The following PCDH7 variants were observed in gnomAD, a reference collection of about 807,000 sequenced individuals.
The protein encoded by PCDH7 is protocadherin 7.
Under a neutral mutation model 58.9 loss-of-function variants are expected in PCDH7, and 17 were observed. The observed-to-expected ratio is 0.29, with a 90% CI of 0.20 to 0.43. PCDH7 has a LOEUF of 0.43. PCDH7 is among the 20% of genes least tolerant of loss of function. PCDH7 has a pLI of 1.00. For missense variants in PCDH7, 1,274 were observed against 1,441.0 expected (o/e 0.88, Z 1.88); for synonymous variants, 664 against 616.4 (o/e 1.08, Z -1.14).
In PCDH7 at chr4:30,845,567, G is replaced by A. The variant is rs1418147070; in HGVS notation, c.71-74586G>A. Among the ~76,000 whole-genome samples, 9 of 152,082 alleles carry A rather than the reference G, an allele frequency of 5.9e-5. No individual in the cohort carries two copies. The East Asian group carries it at 9.7e-4, about 16-fold the overall frequency. On this transcript the variant is annotated intron_variant, in intron 1 of 3. Transcript: ENST00000509759. ...TGTAAATTTGGTGTAAAGTTACAACGCAATAGGAAATAGGATGGTTTACTG... is the reference window on the plus strand; with the variant it reads ...TGTAAATTTGGTGTAAAGTTACAACACAATAGGAAATAGGATGGTTTACTG...
At chr4:30,816,394 A>G (rs529855875) in intron 1 of PCDH7, among the ~76,000 whole-genome samples, 1 of 152,314 alleles carries the variant, frequency 6.6e-6, no homozygotes, top group East Asian at 1.9e-4. Context: ...TTTAAATTCA[A>G]AAGGTGCAAT....
intron 1 of PCDH7, among the ~76,000 whole-genome samples, chr4:30,758,820 T>G (rs2109266349): frequency 6.6e-6 from 1 of 152,312 alleles, no homozygotes; most frequent in East Asian, 1.9e-4. Context: ...AATAAATTAT[T>G]GATGCAGTTA....
intron 1 of PCDH7, among the ~76,000 whole-genome samples, chr4:30,743,322 T>C (rs1176086581): frequency 6.6e-6 from 1 of 152,142 alleles, no homozygotes; most frequent in Non-Finnish European, 1.5e-5. Flanking sequence ...AGCTGAAATG[T>C]CTTATTGAAG....
intron 3 of PCDH7, among the ~76,000 whole-genome samples, chr4:31,048,375 T>C (rs556805988): frequency 2.0e-5 from 3 of 152,206 alleles, no homozygotes; most frequent in African/African-American, 7.2e-5. Flanking sequence ...TTAGTCATTC[T>C]GTTTTCAATA....
At chr4:31,106,355 G>A (rs546430838) in intron 3 of PCDH7, among the ~76,000 whole-genome samples, 146 of 152,304 alleles carry the variant, frequency 9.6e-4, no homozygotes, top group African/African-American at 3.5e-3. Flanking sequence ...ATTTTTAGAT[G>A]TGCTGCTAGG....
At chr4:30,744,455 G>A (rs1474278932) in intron 1 of PCDH7, among the ~76,000 whole-genome samples, 1 of 152,124 alleles carries the variant, frequency 6.6e-6, no homozygotes, top group Non-Finnish European at 1.5e-5. Context: ...AATGGGTGTT[G>A]TTCATTCATT....
In PCDH7 at chr4:31,138,142, A is replaced by G. The variant is rs1469375586; in HGVS notation, c.*8-4331A>G. The stretch of plus-strand genomic sequence containing the variant: ...AACCTGGGCTTTCCTTGTTATTTCT[A>G]AAGATTCTATTATCTATCTGTCACT... On this transcript the variant is annotated intron_variant, in intron 3 of 3. Transcript: ENST00000509759. Among the ~76,000 whole-genome samples, 7 of 104,970 alleles carry G rather than the reference A, an allele frequency of 6.7e-5. No homozygotes were observed. The East Asian group carries it at 1.7e-3, about 26-fold the overall frequency. 68.9% of individuals were successfully genotyped at this position (104,970 alleles called of 152,430 possible).
intron 3 of PCDH7, among the ~76,000 whole-genome samples, chr4:30,951,301 T>A (rs1049156264): frequency 1.3e-5 from 2 of 152,182 alleles, no homozygotes; most frequent in Non-Finnish European, 2.9e-5. Context: ...TTCTACTGTA[T>A]TTGAATGCAT....
intron 3 of PCDH7, among the ~76,000 whole-genome samples, chr4:30,982,145 C>T (rs901395219): frequency 5.9e-5 from 9 of 152,026 alleles, no homozygotes; most frequent in Admixed American, 3.3e-4. Flanking sequence ...ACTATGTGTA[C>T]GTATTTCAAA....
intron 3 of PCDH7, among the ~76,000 whole-genome samples, chr4:31,127,852 A>G (rs1179617228): frequency 6.6e-6 from 1 of 152,056 alleles, no homozygotes; most frequent in African/African-American, 2.4e-5. Context: ...ATGTCATAGG[A>G]TAACATACAG....
At chr4:30,912,057 C>T (rs1741846252) in intron 1 of PCDH7, among the ~76,000 whole-genome samples, 2 of 152,160 alleles carry the variant, frequency 1.3e-5, no homozygotes, top group African/African-American at 4.8e-5. Context: ...TATTTAACTT[C>T]TGCCCCAAAT....
At chr4:31,016,823 GGT>G (rs896817240) in intron 3 of PCDH7, among the ~76,000 whole-genome samples, 4 of 148,992 alleles carry the variant, frequency 2.7e-5, no homozygotes, top group Admixed American at 6.7e-5. Context: ...GTGTGTGCTC[GGT>G]GTGTGTGTGT....
At chr4:30,739,001 A>T (rs1716691775) in intron 1 of PCDH7, among the ~76,000 whole-genome samples, 1 of 151,662 alleles carries the variant, frequency 6.6e-6, no homozygotes, top group African/African-American at 2.4e-5. Flanking sequence ...TTATCATGAG[A>T]CCAATCCATG....
chr4:30,914,639 T>A (rs1269611435), intron 1 of PCDH7, among the ~76,000 whole-genome samples: 4 of 152,214 alleles, frequency 2.6e-5, no homozygotes, highest in African/African-American at 9.6e-5. Flanking sequence ...CAGCTCTATA[T>A]TTTCTTAAAA....
intron 1 of PCDH7, among the ~76,000 whole-genome samples, chr4:30,900,479 T>C (rs1345052765): frequency 6.6e-6 from 1 of 152,186 alleles, no homozygotes; most frequent in Non-Finnish European, 1.5e-5. Flanking sequence ...ATACTACTTA[T>C]GAAAGATTTT....
At chr4:31,080,557 G>T (rs1240773680) in intron 3 of PCDH7, among the ~76,000 whole-genome samples, 1 of 152,030 alleles carries the variant, frequency 6.6e-6, no homozygotes, top group Non-Finnish European at 1.5e-5. Flanking sequence ...TAAAATAAAT[G>T]ATTACCTATT....
chr4:31,124,483 T>C (rs1458449634), intron 3 of PCDH7, among the ~76,000 whole-genome samples: 2 of 152,172 alleles, frequency 1.3e-5, no homozygotes, highest in African/African-American at 2.4e-5. Context: ...ACACCATGCA[T>C]GGTTCCTTGG....
intron 1 of PCDH7, among the ~76,000 whole-genome samples, chr4:30,854,307 A>G (rs1013344546): frequency 6.8e-6 from 1 of 147,716 alleles, no homozygotes; most frequent in Non-Finnish European, 1.5e-5. Context: ...ACTAGATGCC[A>G]GTAGTAACTC....
chr4:30,895,162 G>A (rs1041665720), intron 1 of PCDH7, among the ~76,000 whole-genome samples: 2 of 150,854 alleles, frequency 1.3e-5, no homozygotes, highest in South Asian at 2.1e-4. Context: ...TAATAAATGA[G>A]TACCAGTTTT....
Sources: gnomAD v4.1 joint callset for allele counts (sites outside exome capture counted in the v4.1 genomes callset) on GRCh38, gnomAD v4.1.1 for gene constraint, MANE v1.5 for transcripts, NCBI Gene and HGNC (gene_info 2026-07-23, HGNC 2026-07-21) for gene names.